Variants in DNAAF5 observed in about 807,000 individuals in gnomAD.
DNAAF5 encodes the protein HEAT repeat containing 2.
DNAAF5 carries 64 observed loss-of-function variants against 75.8 expected under a neutral mutation model. The ratio of observed to expected loss-of-function variants is 0.84; its 90% CI spans 0.69 to 1.04. The LOEUF is 1.04. Among genes scored for constraint, DNAAF5 ranks in the 50% least tolerant of loss-of-function variants. The pLI is 0.00. For synonymous variants in DNAAF5, 657 were observed against 557.2 expected, an observed-to-expected ratio of 1.18 and a Z score of -2.52; for missense variants, 1,269 against 1,178.5, an observed-to-expected ratio of 1.08 and a Z score of -1.12.
At chr7:782,482 GA>G (rs1239652692) in intron 12 of DNAAF5, among the ~76,000 whole-genome samples, 4 of 87,756 alleles carry the variant, frequency 4.6e-5, no homozygotes, top group African/African-American at 1.9e-4. Context: ...CAGAAACTCG[GA>G]TCTTCCCGGC....
intron 8 of DNAAF5, among the ~76,000 whole-genome samples, chr7:765,127 C>G (rs973097236): frequency 7.2e-5 from 11 of 152,094 alleles, no homozygotes; most frequent in Admixed American, 7.2e-4. Context: ...TCTCTAAAAC[C>G]AAACAAAAAA....
chr7:744,689 C>G (rs185430704), intron 4 of DNAAF5, among the ~76,000 whole-genome samples: 1 of 152,312 alleles, frequency 6.6e-6, no homozygotes, highest in Admixed American at 6.5e-5. Flanking sequence ...AATAGGAACA[C>G]TTTTACACTG....
rs552377830 is a variant in DNAAF5, at chr7:784,602, C to A, written c.2432-915C>A. Among the ~76,000 whole-genome samples, 5 of 152,292 alleles carry A rather than the reference C, an allele frequency of 3.3e-5. No homozygotes were observed. The South Asian group carries it at 1.0e-3, about 32-fold the overall frequency. ...CCATCACACACACCACCACGAGCCC[C>A]TGACACGTTTGCCTTCCTGATTTTC... On this transcript the variant is annotated intron_variant, in intron 12 of 12. Transcript: ENST00000297440.
intron 4 of DNAAF5, among the ~76,000 whole-genome samples, chr7:745,616 T>C (rs988833660): frequency 2.6e-5 from 4 of 152,152 alleles, no homozygotes; most frequent in African/African-American, 7.2e-5. Flanking sequence ...TACACACCTG[T>C]GCACACACGT....
chr7:746,537 C>T (rs1782116648), intron 4 of DNAAF5, among the ~76,000 whole-genome samples: 1 of 131,950 alleles, frequency 7.6e-6, no homozygotes, highest in African/African-American at 2.9e-5. Flanking sequence ...GCGTCTGTGT[C>T]ATCCCTTTCC....
intron 9 of DNAAF5, chr7:771,638 T>C (rs1295508459): frequency 6.6e-6 from 1 of 152,238 alleles, no homozygotes; most frequent in African/African-American, 2.4e-5. Context: ...GAACGGACCA[T>C]AGAAAGATAT....
At chr7:730,792 C>T (rs1781538720) in intron 2 of DNAAF5, among the ~76,000 whole-genome samples, 1 of 124,774 alleles carries the variant, frequency 8.0e-6, no homozygotes, top group South Asian at 2.8e-4. Context: ...GACCCTTTCC[C>T]ACCAGGAGCC....
intron 8 of DNAAF5, 23 bp downstream of exon 8, chr7:763,997 G>T: frequency 6.3e-7 from 1 of 1,599,060 alleles, no homozygotes. Flanking sequence ...GACAGCTGGC[G>T]TGCCGTGCCT....
At chr7:744,538 A>G (rs982517410) in intron 4 of DNAAF5, among the ~76,000 whole-genome samples, 1 of 152,142 alleles carries the variant, frequency 6.6e-6, no homozygotes, top group African/African-American at 2.4e-5. Context: ...ATGCAGCCAA[A>G]AAACACATGA....
intron 1 of DNAAF5, among the ~76,000 whole-genome samples, chr7:728,597 G>A (rs1781448423): frequency 6.6e-6 from 1 of 152,176 alleles, no homozygotes; most frequent in Non-Finnish European, 1.5e-5. Context: ...AGAATTCCTG[G>A]CATTTAATGT....
rs6971124 is a variant in DNAAF5, at chr7:763,679, C to T, written c.1615-127C>T. On this transcript the variant is annotated intron_variant, in intron 7 of 12. Transcript: ENST00000297440. ...CGGGGCTCCCTGTGGCAGCCTCCCT[C>T]CCGATTATCCTGGCAGGCCCGGCCT... 1,103 of 1,096,364 alleles carry T rather than the reference C, an allele frequency of 1.0e-3. 8 individuals carry two copies. The African/African-American group carries it at 0.015, about 15-fold the overall frequency. 67.9% of individuals were successfully genotyped at this position (1,096,364 alleles called of 1,614,324 possible). A position where few individuals can be genotyped will look rare whatever the true frequency, so the allele number is the denominator to read the frequency against.
In DNAAF5 at chr7:761,675, C is replaced by G. The variant is rs1397569012; in HGVS notation, c.1471-78C>G. The G allele has an allele frequency of 2.8e-6, 4 of 1,446,868 alleles. No individual in the cohort carries two copies. The South Asian group carries it at 5.3e-5, about 19-fold the overall frequency. 89.6% of individuals were successfully genotyped at this position (1,446,868 alleles called of 1,614,324 possible). On this transcript the variant is annotated intron_variant, in intron 6 of 12. Coordinates refer to ENST00000297440, the MANE Select transcript of DNAAF5 (RefSeq NM_017802.4). Reference sequence around the variant, plus strand: ...CCAGGATACGTGGGGATTATGGGAGCTACAGTTCAAGATGGGATTCGGGTG... The same window carrying G: ...CCAGGATACGTGGGGATTATGGGAGGTACAGTTCAAGATGGGATTCGGGTG...
intron 4 of DNAAF5, among the ~76,000 whole-genome samples, chr7:748,576 C>G (rs1782191473): frequency 6.6e-6 from 1 of 152,202 alleles, no homozygotes; most frequent in Non-Finnish European, 1.5e-5. Context: ...GCTCCCGCTC[C>G]TCTCCTCAGA....
At position 763,841 on chromosome 7, in the gene DNAAF5, G is replaced by C. The variant is rs372953688; in HGVS notation, c.1650G>C (p.Glu550Asp). Reference sequence around the variant, plus strand: ...CGATGGACTCACTGGCCATGGTGGAGGGTGTCAGCAGCTGCCAGGACCTCT... The same window carrying C: ...CGATGGACTCACTGGCCATGGTGGACGGTGTCAGCAGCTGCCAGGACCTCT... ...QETMDSLAMV[E>D]GVSSCQDLYR... Residue 550 changes from glutamate to aspartate, a missense_variant, in exon 8 of 13, where the codon GAG becomes GAC. Coordinates refer to ENST00000297440, the MANE Select transcript of DNAAF5 (RefSeq NM_017802.4). The C allele has an allele frequency of 1.2e-6, 2 of 1,613,336 alleles. No individual in the cohort carries two copies. Among genetic ancestry groups the C allele is most frequent in the African/African-American group, 2.7e-5 (2 of 74,954 alleles).
At chr7:760,761 C>A (rs769151061) in intron 6 of DNAAF5, among the ~76,000 whole-genome samples, 24 of 152,256 alleles carry the variant, frequency 1.6e-4, no homozygotes, top group Non-Finnish European at 3.4e-4. Context: ...CTGGCTGATT[C>A]ACAGTGGATG....
intron 4 of DNAAF5, among the ~76,000 whole-genome samples, chr7:749,029 T>C (rs1200394868): frequency 6.6e-6 from 1 of 152,192 alleles, no homozygotes; most frequent in Non-Finnish European, 1.5e-5. Flanking sequence ...GAAATATAAT[T>C]CGTACCATAT....
chr7:770,734 G>C, intron 9 of DNAAF5, 116 bp downstream of exon 9: 5 of 1,008,300 alleles, frequency 5.0e-6, no homozygotes, highest in Non-Finnish European at 7.2e-6. Flanking sequence ...CCCCAACACT[G>C]CACTGCGCAA....
chr7:735,230 A>G (rs758887092), intron 2 of DNAAF5, among the ~76,000 whole-genome samples: 4 of 126,336 alleles, frequency 3.2e-5, no homozygotes, highest in Admixed American at 1.7e-4. Context: ...CTTATATTGT[A>G]GTTGCTCATA....
intron 4 of DNAAF5, among the ~76,000 whole-genome samples, 182 bp downstream of exon 4, chr7:741,647 C>T (rs1377651790): frequency 1.3e-5 from 2 of 152,216 alleles, no homozygotes; most frequent in East Asian, 1.9e-4. Context: ...CACGTCTCTC[C>T]TCAGCATCTG....
Sources: allele counts gnomAD v4.1 joint callset (sites outside exome capture counted in the v4.1 genomes callset), GRCh38; gene constraint gnomAD v4.1.1; transcripts MANE v1.5; gene names NCBI Gene and HGNC (gene_info 2026-07-23, HGNC 2026-07-21).